The following BAG3 variants were observed in gnomAD, a reference collection of about 807,000 sequenced individuals.
The protein encoded by BAG3 is BAG family molecular chaperone regulator 3.
Under a neutral mutation model 40.5 loss-of-function variants are expected in BAG3, and 14 were observed. That is an observed-to-expected ratio of 0.35 (90% CI 0.23 to 0.54). The LOEUF (loss-of-function observed/expected upper bound fraction) is 0.54. Among genes scored for constraint, BAG3 ranks in the 20% least tolerant of loss-of-function variants. The probability of loss-of-function intolerance (pLI) is 0.91; values close to 1 mark genes in which losing one functional copy is unlikely to be tolerated. For synonymous variants in BAG3, 302 were observed against 307.8 expected (o/e 0.98, Z 0.20); for missense variants, 788 against 758.6 (o/e 1.04, Z -0.46).
intron 3 of BAG3, among the ~76,000 whole-genome samples, chr10:119,674,830 C>T (rs916639599): frequency 1.7e-4 from 26 of 151,584 alleles, no homozygotes; most frequent in Middle Eastern, 3.2e-3. Context: ...AAAAAGTTAA[C>T]CAGGCATGTT....
chr10:119,660,435 A>G (rs975950693), intron 1 of BAG3, among the ~76,000 whole-genome samples: 2 of 152,228 alleles, frequency 1.3e-5, no homozygotes, highest in Non-Finnish European at 2.9e-5. Flanking sequence ...AACTTTAGAT[A>G]AAGTCTTAAG....
chr10:119,665,143 T>TTTTTC (rs1564771840), intron 1 of BAG3, among the ~76,000 whole-genome samples: 1 of 113,750 alleles, frequency 8.8e-6, no homozygotes, highest in African/African-American at 3.4e-5. Context: ...TATATATATA[T>TTTTTC]ATTTTTTTTT....
chr10:119,652,884 T>G (rs1461571555), intron 1 of BAG3, among the ~76,000 whole-genome samples: 2 of 152,258 alleles, frequency 1.3e-5, no homozygotes, highest in Non-Finnish European at 2.9e-5. Context: ...CAGAGTTAGT[T>G]ATACTATTCT....
intron 2 of BAG3, among the ~76,000 whole-genome samples, chr10:119,671,144 C>T (rs941038287): frequency 1.3e-5 from 2 of 152,084 alleles, no homozygotes; most frequent in African/African-American, 4.8e-5. Context: ...CCCGTCTCTA[C>T]AAAAAATACA....
At chr10:119,652,630 C>T (rs1846859558) in intron 1 of BAG3, among the ~76,000 whole-genome samples, 1 of 152,174 alleles carries the variant, frequency 6.6e-6, no homozygotes, top group Admixed American at 6.5e-5. Flanking sequence ...ACCACATTGC[C>T]TCACACTGGA....
At chr10:119,661,651 AC>A (rs1846993503) in intron 1 of BAG3, among the ~76,000 whole-genome samples, 1 of 152,140 alleles carries the variant, frequency 6.6e-6, no homozygotes, top group South Asian at 2.1e-4. Flanking sequence ...TATTTTAGTA[AC>A]AGGCATATTA....
At chr10:119,664,833 A>C in intron 1 of BAG3, among the ~76,000 whole-genome samples, 1 of 152,172 alleles carries the variant, frequency 6.6e-6, no homozygotes, top group South Asian at 2.1e-4. Context: ...TTTTATTTAC[A>C]AAATATCTCT....
At chr10:119,666,642 C>T (rs2134061279) in intron 1 of BAG3, among the ~76,000 whole-genome samples, 1 of 109,450 alleles carries the variant, frequency 9.1e-6, no homozygotes, top group South Asian at 2.7e-4. Context: ...CAAGGGCTTT[C>T]TGGATCCAGG....
intron 1 of BAG3, among the ~76,000 whole-genome samples, chr10:119,662,923 G>A (rs1847012137): frequency 6.6e-6 from 1 of 152,218 alleles, no homozygotes; most frequent in African/African-American, 2.4e-5. Context: ...GCTAAGGCAG[G>A]AGAGTGGCGT....
At chr10:119,669,522 C>T (rs554938655) in intron 1 of BAG3, among the ~76,000 whole-genome samples, 36 of 152,198 alleles carry the variant, frequency 2.4e-4, no homozygotes, top group Non-Finnish European at 4.4e-4. Context: ...TCTGAAAATG[C>T]GGGCATGGGC....
intron 1 of BAG3, chr10:119,657,623 C>T (rs1462810021): frequency 2.1e-6 from 1 of 470,840 alleles, no homozygotes; most frequent in Non-Finnish European, 4.4e-6. Context: ...TTGTCCTGGG[C>T]TCCTAAAGGT....
chr10:119,671,133 C>G (rs923493782), intron 2 of BAG3, among the ~76,000 whole-genome samples: 1 of 152,080 alleles, frequency 6.6e-6, no homozygotes, highest in Non-Finnish European at 1.5e-5. Context: ...CACGGTGAAA[C>G]CCCGTCTCTA....
Position 119,672,987 on chromosome 10 carries a change from C to T in BAG3, c.909+331C>T, listed in dbSNP as rs76946155. Reference sequence around the variant, plus strand: ...ACCCTTTCAGGGCTCTTCACACCCCCATCCACACCGCAGCCACAGCCTCAC... The same window carrying T: ...ACCCTTTCAGGGCTCTTCACACCCCTATCCACACCGCAGCCACAGCCTCAC... On this transcript the variant is annotated intron_variant, in intron 3 of 3. Transcript: ENST00000369085. The surrounding 1 kb of genome is among the most constrained non-coding windows in gnomAD (Gnocchi z 4.8). Among the ~76,000 whole-genome samples the T allele has an allele frequency of 2.0e-5, 3 of 152,270 alleles. No homozygotes were observed. The East Asian group carries it at 5.8e-4, about 29-fold the overall frequency.
rs1429748103 is a variant in BAG3 at position 119,651,453 on chromosome 10, C to G, written c.-223C>G. 3 of 430,732 alleles carry G rather than the reference C, an allele frequency of 7.0e-6. No homozygotes were observed. The highest frequency in any genetic ancestry group is 1.2e-5 in the Non-Finnish European group (3 of 249,498). 26.7% of individuals were successfully genotyped at this position (430,732 alleles called of 1,614,324 possible). A position where few individuals can be genotyped will look rare whatever the true frequency, so the allele number is the denominator to read the frequency against. On this transcript the variant is annotated 5_prime_UTR_variant, in exon 1 of 4. Transcript: ENST00000369085. The stretch of plus-strand genomic sequence containing the variant: ...TTCTAGCCGGCCAGTTGCTACCTCC[C>G]TTTATCTCCTCCTTCCCCTCTGGCA...
chr10:119,655,579 T>C (rs749482932), intron 1 of BAG3, among the ~76,000 whole-genome samples: 3 of 152,224 alleles, frequency 2.0e-5, no homozygotes, highest in Non-Finnish European at 4.4e-5. Context: ...CAAGCTGTTA[T>C]GCCTCTTAGC....
At chr10:119,673,119 C>T (rs1847176293) in intron 3 of BAG3, among the ~76,000 whole-genome samples, 1 of 152,158 alleles carries the variant, frequency 6.6e-6, no homozygotes, top group Non-Finnish European at 1.5e-5. Flanking sequence ...GAACCCGCTC[C>T]CTGAAATGCC....
At chr10:119,662,971 C>T (rs11199062) in intron 1 of BAG3, among the ~76,000 whole-genome samples, 9,944 of 152,200 alleles carry the variant, frequency 0.065, 367 homozygotes, top group Middle Eastern at 0.15. Flanking sequence ...GCCGAGATCG[C>T]GCCACTGCAC....
At chr10:119,665,091 TTTGTGTGTGTGTG>T (rs1564771728) in intron 1 of BAG3, among the ~76,000 whole-genome samples, 6 of 55,054 alleles carry the variant, frequency 1.1e-4, no homozygotes, top group Non-Finnish European at 2.4e-4. Flanking sequence ...CTAATTTTTG[TTTGTGTGTGTGTG>T]TGTGTGTGTG....
At chr10:119,671,226 T>G (rs907046643) in intron 2 of BAG3, among the ~76,000 whole-genome samples, 4 of 152,086 alleles carry the variant, frequency 2.6e-5, no homozygotes, top group African/African-American at 9.7e-5. Flanking sequence ...GAGAATTGCT[T>G]AAACCCAGGA....
Sources: allele counts gnomAD v4.1 joint callset (sites outside exome capture counted in the v4.1 genomes callset), GRCh38; gene constraint gnomAD v4.1.1; non-coding constraint Gnocchi (gnomAD v3.1); transcripts MANE v1.5; gene names NCBI Gene and HGNC (gene_info 2026-07-23, HGNC 2026-07-21).